Variants in CYP21A2 observed in about 807,000 individuals in gnomAD.
The protein encoded by CYP21A2 is steroid 21-hydroxylase.
In CYP21A2, 24 loss-of-function variants were observed where a neutral mutation model predicts 47.4. The observed-to-expected ratio is 0.51, with a 90% CI of 0.37 to 0.71. CYP21A2 has a LOEUF of 0.71. Ranked by LOEUF, CYP21A2 falls within the 30% of genes least tolerant of loss-of-function variation. The pLI, the probability that CYP21A2 is intolerant of heterozygous loss-of-function variation, is 0.00. For synonymous variants in CYP21A2, 130 were observed against 273.9 expected (o/e 0.47, Z 5.19); for missense variants, 358 against 643.2 (o/e 0.56, Z 4.80).
Position 32,041,207 on chromosome 6 carries a change from C to T in CYP21A2, c.*73C>T, listed in dbSNP as rs1262054342. 4.3e-6 allele frequency: 4 copies of T among 934,980 alleles called. No individual in the cohort carries two copies. Among genetic ancestry groups the T allele is most frequent in the African/African-American group, 3.1e-5 (2 of 64,404 alleles). The allele number at this position is 934,980 out of a possible 1,614,324, so 57.9% of individuals were successfully genotyped here. On this transcript the variant is annotated 3_prime_UTR_variant, in exon 10 of 10. Coordinates refer to ENST00000644719, the MANE Select transcript of CYP21A2 (RefSeq NM_000500.9). ...CTCCCGTACGAACCCCTCCCCTCCC[C>T]CCTGTAAACACAGTGCTGCGAGATC...
In CYP21A2 at chr6:32,039,142, C is replaced by G; in HGVS notation, c.341C>G (p.Ser114Cys). Residue 114 changes from serine (S) to cysteine (C), a missense_variant, in exon 3 of 10, where the codon TCC becomes TGC. Coordinates refer to ENST00000644719, the MANE Select transcript of CYP21A2 (RefSeq NM_000500.9). Reference protein sequence around the residue: ...NYPDLSLGDYSLLWKAHKKLT... With the variant: ...NYPDLSLGDYCLLWKAHKKLT... Reference sequence around the variant, plus strand: ...CCGGACCTGTCCTTGGGAGACTACTCCCTGCTCTGGAAAGCCCACAAGAAG... The same window carrying G: ...CCGGACCTGTCCTTGGGAGACTACTGCCTGCTCTGGAAAGCCCACAAGAAG... The G allele has an allele frequency of 6.3e-7, 1 of 1,597,362 alleles. No individual in the cohort carries two copies. Among genetic ancestry groups the G allele is most frequent in the East Asian group, 2.3e-5 (1 of 44,042 alleles).
rs6476 is a variant in CYP21A2 at position 32,039,816 on chromosome 6, T to C, written c.719T>C (p.Met240Thr). 7 of 1,613,850 alleles carry C rather than the reference T, an allele frequency of 4.3e-6. No homozygotes were observed. The African/African-American group carries it at 5.3e-5, about 12-fold the overall frequency. Residue 240 changes from methionine to threonine, a missense_variant, in exon 6 of 10, where the codon ATG becomes ACG. Coordinates refer to ENST00000644719, the MANE Select transcript of CYP21A2 (RefSeq NM_000500.9). ...GAGAAGAGGGATCACATCGTGGAGA[T>C]GCAGCTGAGGCAGCACAAGGTGGGG... is the stretch of plus-strand genomic sequence containing the variant. ...AIEKRDHIVE[M>T]QLRQHKESLV...
chr6:32,039,548 C>T lies in CYP21A2; in HGVS notation c.552C>T (p.Asp184=), dbSNP rs397515531. 24 of 1,584,140 alleles carry T rather than the reference C, an allele frequency of 1.5e-5. No homozygotes were observed. Among genetic ancestry groups the T allele is most frequent in the East Asian group, 4.6e-5 (2 of 43,796 alleles). ...AGTACTCCCTCCTTTTCTGGCAGGA[C>T]GACAACTTAATGCCTGCCTATTACA... The part of the protein sequence containing the change: ...CYLTFGDKIK[D]DNLMPAYYKC... The change falls in exon 5 of 10, where the codon GAC becomes GAT. Residue 184 remains aspartate (D), a splice_region_variant and synonymous_variant. Transcript: ENST00000644719.
Position 32,040,182 on chromosome 6 carries a change from G to C in CYP21A2, c.916G>C (p.Val306Leu). 1 of 1,612,746 alleles carries C rather than the reference G, an allele frequency of 6.2e-7. No individual in the cohort carries two copies. Among genetic ancestry groups the C allele is most frequent in the Non-Finnish European group, 8.5e-7 (1 of 1,179,834 alleles). Residue 306 changes from valine (V) to leucine (L), a missense_variant, in exon 7 of 10, where the codon GTT becomes CTT. By Grantham distance (32) the Val-to-Leu change is conservative (BLOSUM62 1). Coordinates refer to ENST00000644719, the MANE Select transcript of CYP21A2 (RefSeq NM_000500.9). ...TTANTLSWAV[V>L]FLLHHPEIQQ... ...AGCAAACACCCTCTCCTGGGCCGTGGTTTTTTTGCTTCACCACCCTGAGGT... is the reference window on the plus strand; with the variant it reads ...AGCAAACACCCTCTCCTGGGCCGTGCTTTTTTTGCTTCACCACCCTGAGGT...
chr6:32,038,844 A>G (rs6463), intron 2 of CYP21A2, 33 bp downstream of exon 2: 3 of 1,462,598 alleles, frequency 2.1e-6, no homozygotes, highest in Non-Finnish European at 1.9e-6. Context: ...CTTTCTTAAA[A>G]AAATTTTTTT....
chr6:32,039,181 C>T lies in CYP21A2; in HGVS notation c.380C>T (p.Ala127Val). The change falls in exon 3 of 10, where the codon GCC becomes GTC. Residue 127 changes from alanine to valine, a missense_variant. By Grantham distance (64) the Ala-to-Val change is moderately conservative. Transcript: ENST00000644719. ...GCCCACAAGAAGCTCACCCGCTCAG[C>T]CCTGCTGCTGGGCATCCGTGACTCC... is the stretch of plus-strand genomic sequence containing the variant. Reference protein sequence around the residue: ...WKAHKKLTRSALLLGIRDSME... With the variant: ...WKAHKKLTRSVLLLGIRDSME... 1 of 1,605,008 alleles carries T rather than the reference C, an allele frequency of 6.2e-7. No individual in the cohort carries two copies. Among genetic ancestry groups the T allele is most frequent in the East Asian group, 2.2e-5 (1 of 44,534 alleles).
At position 32,041,133 on chromosome 6, in the gene CYP21A2, G is replaced by A. The variant is rs747442046; in HGVS notation, c.1487G>A (p.Ter496=). The A allele has an allele frequency of 3.1e-4, 494 of 1,597,588 alleles. 9 individuals carry two copies. Among genetic ancestry groups the A allele is most frequent in the East Asian group, 6.7e-4 (30 of 44,820 alleles). The change falls in exon 10 of 10, where the codon TGA becomes TAA. Residue 496 remains the stop codon, a stop_retained_variant. Transcript: ENST00000644719. ...GCCCACAGCCCGGGCCAGAGCCAGT[G>A]ATGGGGCAGGACCGATGCCAGCCGG... ...MGAHSPGQSQ[*] is the part of the protein sequence containing the mutation.
chr6:32,040,229 G>A, intron 7 of CYP21A2, 24 bp downstream of exon 7: 1 of 1,612,792 alleles, frequency 6.2e-7, no homozygotes, highest in Non-Finnish European at 8.5e-7. Flanking sequence ...ACAAGCAAAA[G>A]GCTCCTTCCC....
Position 32,041,608 on chromosome 6 carries a change from C to T in CYP21A2, c.*474C>T, listed in dbSNP as rs7383707. ...GGATTGAGGCTTAATTCTGAGCTGG[C>T]CCTTTCCAGCCAATAAATCAACTCC... On this transcript the variant is annotated 3_prime_UTR_variant, in exon 10 of 10. Coordinates refer to ENST00000644719, the MANE Select transcript of CYP21A2 (RefSeq NM_000500.9). 1,409 of 1,053,728 alleles carry T rather than the reference C, an allele frequency of 1.3e-3. 71 individuals carry two copies. In the African/African-American group the frequency reaches 0.015, roughly 11 times the overall value. The allele number at this position is 1,053,728 out of a possible 1,614,324, so 65.3% of individuals were successfully genotyped here. A position where few individuals can be genotyped will look rare whatever the true frequency, so the allele number is the denominator to read the frequency against.
At chr6:32,039,506 C>T in intron 4 of CYP21A2, 40 bp from the exon 5 acceptor site, 14 of 1,572,264 alleles carry the variant, frequency 8.9e-6, no homozygotes, top group Non-Finnish European at 1.0e-5. Context: ...CTGAGCCTCT[C>T]CTTGTCCTGA....
chr6:32,041,077 C>T lies in CYP21A2; in HGVS notation c.1431C>T (p.Phe477=). The part of the protein sequence containing the change: ...HCSVILKMQP[F]QVRLQPRGMG... ...GTGTCATCCTCAAGATGCAGCCTTT[C>T]CAAGTGCGGCTGCAGCCCCGGGGGA... Residue 477 remains phenylalanine (F), a synonymous_variant, in exon 10 of 10, where the codon TTC becomes TTT. Transcript: ENST00000644719. 7 of 1,557,596 alleles carry T rather than the reference C, an allele frequency of 4.5e-6. No homozygotes were observed. Among genetic ancestry groups the T allele is most frequent in the Non-Finnish European group, 5.2e-6 (6 of 1,148,412 alleles).
rs772317717 is a variant in CYP21A2, at chr6:32,039,443, G to A, written c.535G>A (p.Gly179Arg). ...TCSIICYLTF[G>R]DKIKDDNLMP... is the part of the protein sequence containing the mutation. The stretch of plus-strand genomic sequence containing the variant: ...CAGCATCATCTGTTACCTCACCTTC[G>A]GAGACAAGATCAAGGTGCCTCACAG... Residue 179 changes from glycine to arginine, a missense_variant, in exon 4 of 10, where the codon GGA becomes AGA. Physicochemically the swap from Gly to Arg is moderately radical, Grantham distance 125. Coordinates refer to ENST00000644719, the MANE Select transcript of CYP21A2 (RefSeq NM_000500.9). 9 of 1,611,324 alleles carry A rather than the reference G, an allele frequency of 5.6e-6. No individual in the cohort carries two copies. Among genetic ancestry groups the A allele is most frequent in the East Asian group, 2.2e-5 (1 of 44,778 alleles).
At chr6:32,039,951 CT>C (rs1370563210) in intron 6 of CYP21A2, 53 bp from the exon 7 acceptor site, 11 of 1,610,704 alleles carry the variant, frequency 6.8e-6, no homozygotes, top group Non-Finnish European at 8.5e-6. Flanking sequence ...TGTTGCCACT[CT>C]GTACTCCTCT....
chr6:32,039,053 T>C (rs1776047310), intron 2 of CYP21A2, 41 bp from the exon 3 acceptor site: 2 of 1,576,148 alleles, frequency 1.3e-6, no homozygotes, highest in African/African-American at 2.7e-5. Flanking sequence ...CTCAGCTGCC[T>C]TCATCAGTTC....
intron 2 of CYP21A2, 83 bp downstream of exon 2, chr6:32,038,894 T>G (rs1776030288): frequency 1.5e-6 from 2 of 1,376,742 alleles, no homozygotes; most frequent in Admixed American, 3.9e-5. Flanking sequence ...AGGCTGGTCT[T>G]AAATTCCTAG....
In CYP21A2 at chr6:32,039,528, T is replaced by C. The variant is rs1582305078; in HGVS notation, c.550-18T>C. On this transcript the variant is annotated intron_variant, in intron 4 of 9. Transcript: ENST00000644719. ...TCTCCTTGTCCTGAACTGAAAGTAC[T>C]CCCTCCTTTTCTGGCAGGACGACAA... The C allele has an allele frequency of 6.3e-7, 1 of 1,581,134 alleles. No individual in the cohort carries two copies. Among genetic ancestry groups the C allele is most frequent in the East Asian group, 2.3e-5 (1 of 43,536 alleles).
Position 32,041,496 on chromosome 6 carries a change from C to A in CYP21A2, c.*362C>A, listed in dbSNP as rs1290002784. The A allele has an allele frequency of 5.7e-6, 7 of 1,228,864 alleles. No homozygotes were observed. The highest frequency in any genetic ancestry group is 1.6e-5 in the African/African-American group (1 of 60,946). The allele number at this position is 1,228,864 out of a possible 1,614,324, so 76.1% of individuals were successfully genotyped here. ...AGAGAGTCAAAGCCGGATGTCCCAT[C>A]TGCTCTTCCCGTTCCCCTTAAGGAG... On this transcript the variant is annotated 3_prime_UTR_variant, in exon 10 of 10. Transcript: ENST00000644719.
Position 32,039,569 on chromosome 6 carries a change from T to C in CYP21A2, c.573T>C (p.Tyr191=). The change falls in exon 5 of 10, where the codon TAT becomes TAC. Residue 191 remains tyrosine, a synonymous_variant. Transcript: ENST00000644719. Reference sequence around the variant, plus strand: ...AGGACGACAACTTAATGCCTGCCTATTACAAATGTATCCAGGAGGTGTTAA... The same window carrying C: ...AGGACGACAACTTAATGCCTGCCTACTACAAATGTATCCAGGAGGTGTTAA... ...KIKDDNLMPA[Y]YKCIQEVLKT... The C allele has an allele frequency of 6.3e-7, 1 of 1,581,970 alleles. No individual in the cohort carries two copies. The highest frequency in any genetic ancestry group is 8.6e-7 in the Non-Finnish European group (1 of 1,162,444).
At chr6:32,039,071 C>T in intron 2 of CYP21A2, 23 bp from the exon 3 acceptor site, 2 of 1,579,850 alleles carry the variant, frequency 1.3e-6, no homozygotes. Flanking sequence ...TTCCCACCCT[C>T]CAGCCCCCAC....
Sources: allele counts gnomAD v4.1 joint callset, GRCh38; gene constraint gnomAD v4.1.1; transcripts MANE v1.5; gene names NCBI Gene and HGNC (gene_info 2026-07-23, HGNC 2026-07-21).